Variants in RAD51B observed in about 807,000 individuals in gnomAD.
RAD51B encodes RAD51 paralog B.
Under a neutral mutation model 42.2 loss-of-function variants are expected in RAD51B, and 38 were observed. The observed-to-expected ratio is 0.90, with a 90% CI of 0.70 to 1.18. RAD51B has a LOEUF of 1.18. RAD51B is among the 50% of genes most tolerant of loss of function. The pLI is 0.00. For synonymous variants in RAD51B, 154 were observed against 145.2 expected (o/e 1.06, Z -0.43); for missense variants, 373 against 400.7 (o/e 0.93, Z 0.59).
intron 7 of RAD51B, among the ~76,000 whole-genome samples, chr14:68,082,493 T>G (rs184644645): frequency 0.016 from 2,345 of 151,256 alleles, 51 homozygotes; most frequent in African/African-American, 0.052. Flanking sequence ...ATATATGTAT[T>G]TATGTATGTA....
intron 7 of RAD51B, among the ~76,000 whole-genome samples, chr14:67,925,121 T>C (rs2044458792): frequency 6.6e-6 from 1 of 152,218 alleles, no homozygotes; most frequent in Non-Finnish European, 1.5e-5. Flanking sequence ...ATCCAGGTCA[T>C]GCTGATGCAA....
chr14:68,135,559 T>C (rs1478385489), intron 7 of RAD51B, among the ~76,000 whole-genome samples: 1 of 152,194 alleles, frequency 6.6e-6, no homozygotes, highest in Non-Finnish European at 1.5e-5. Flanking sequence ...AATTTGGTTC[T>C]CATTTCTTAT....
intron 9 of RAD51B, among the ~76,000 whole-genome samples, chr14:68,424,338 G>A (rs1368831888): frequency 6.6e-6 from 1 of 152,110 alleles, no homozygotes; most frequent in Non-Finnish European, 1.5e-5. Context: ...TCAATGTCTA[G>A]TAAAATGACA....
At position 68,594,497 on chromosome 14, in the gene RAD51B, GCT is replaced by G; in HGVS notation, c.1052_1053del (p.Ser351CysfsTer5). ...CTCTCTCTCTTAGAGACAACATTTT[GCT>G]CTGTCACCCAAGCTGAACTGAACTG... is the stretch of plus-strand genomic sequence containing the variant. On this transcript the variant is annotated frameshift_variant, in exon 11 of 11. Transcript: ENST00000487270. LOFTEE classifies it high-confidence loss of function. 1 of 1,367,960 alleles carries G rather than the reference GCT, an allele frequency of 7.3e-7. No individual in the cohort carries two copies. The highest frequency in any genetic ancestry group is 1.1e-5 in the South Asian group (1 of 87,638). The allele number at this position is 1,367,960 out of a possible 1,614,324, so 84.7% of individuals were successfully genotyped here.
intron 8 of RAD51B, among the ~76,000 whole-genome samples, chr14:68,314,712 C>G (rs1476421992): frequency 5.3e-5 from 8 of 152,100 alleles, no homozygotes; most frequent in Admixed American, 5.2e-4. Context: ...TCAGGATCAT[C>G]CACTGTGTCC....
At chr14:68,567,410 C>G (rs1012111927) in intron 10 of RAD51B, among the ~76,000 whole-genome samples, 1 of 152,194 alleles carries the variant, frequency 6.6e-6, no homozygotes, top group Non-Finnish European at 1.5e-5. Context: ...CCAACATGTA[C>G]AGCCTTTTCC....
chr14:68,369,120 C>T (rs1303458640), intron 8 of RAD51B, among the ~76,000 whole-genome samples: 2 of 152,204 alleles, frequency 1.3e-5, no homozygotes, highest in African/African-American at 2.4e-5. Flanking sequence ...ATACATCCCT[C>T]TTGGGAGATG....
intron 7 of RAD51B, among the ~76,000 whole-genome samples, chr14:67,962,564 T>A (rs1325682253): frequency 1.3e-5 from 2 of 152,162 alleles, no homozygotes; most frequent in Non-Finnish European, 2.9e-5. Context: ...ACAGTTCTGA[T>A]AAAAGAAATT....
chr14:68,173,820 A>C (rs1268846797), intron 7 of RAD51B, among the ~76,000 whole-genome samples: 1 of 152,218 alleles, frequency 6.6e-6, no homozygotes, highest in African/African-American at 2.4e-5. Context: ...TAAGATGAGT[A>C]AAAGTCTTAA....
rs537073885 is a variant in RAD51B at position 68,045,236 on chromosome 14, CAAAAAAA to C, written c.756+158053_756+158059del. 8.6e-4 allele frequency among the ~76,000 whole-genome samples: 19 copies of C among 22,092 alleles called. No homozygotes were observed. In the East Asian group the frequency reaches 8.6e-3, roughly 10 times the overall value. The allele number at this position is 22,092 out of a possible 152,430, so 14.5% of individuals were successfully genotyped here. The stretch of plus-strand genomic sequence containing the variant: ...GGGCAACAAGAGCGAAACTCTGTCT[CAAAAAAA>C]AAAAAAAAAAAAAAAAAAAAGAAAA... On this transcript the variant is annotated intron_variant, in intron 7 of 10. Transcript: ENST00000471583.
intron 7 of RAD51B, among the ~76,000 whole-genome samples, chr14:68,072,135 TTA>T (rs1216166647): frequency 8.4e-5 from 11 of 131,050 alleles, no homozygotes; most frequent in Admixed American, 1.6e-4. Context: ...ATATATATAA[TTA>T]TATATATATT....
intron 5 of RAD51B, among the ~76,000 whole-genome samples, chr14:67,871,889 C>A (rs1051684980): frequency 2.0e-5 from 3 of 151,608 alleles, no homozygotes; most frequent in Non-Finnish European, 4.4e-5. Context: ...ATTCAACAGC[C>A]CTTCATGCTA....
intron 7 of RAD51B, among the ~76,000 whole-genome samples, chr14:68,000,008 A>G (rs2075452006): frequency 6.6e-6 from 1 of 152,140 alleles, no homozygotes; most frequent in African/African-American, 2.4e-5. Flanking sequence ...AAACAAACAA[A>G]CAAACAAAAA....
At chr14:68,475,541 G>T (rs1356386071) in intron 10 of RAD51B, among the ~76,000 whole-genome samples, 1 of 152,176 alleles carries the variant, frequency 6.6e-6, no homozygotes, top group Non-Finnish European at 1.5e-5. Context: ...AGGAACTTTA[G>T]TATGTGTTTT....
chr14:68,163,062 T>C (rs1196319660), intron 7 of RAD51B, among the ~76,000 whole-genome samples: 1 of 152,256 alleles, frequency 6.6e-6, no homozygotes, highest in African/African-American at 2.4e-5. Context: ...GCAAGTCGTT[T>C]CTGAATTGTG....
At chr14:68,058,777 G>A (rs1247342939) in intron 7 of RAD51B, among the ~76,000 whole-genome samples, 4 of 152,054 alleles carry the variant, frequency 2.6e-5, no homozygotes, top group Non-Finnish European at 4.4e-5. Context: ...TCTGAAAAAC[G>A]TAATTTCTAG....
At chr14:67,987,162 A>C (rs2075208998) in intron 7 of RAD51B, among the ~76,000 whole-genome samples, 1 of 152,256 alleles carries the variant, frequency 6.6e-6, no homozygotes, top group Admixed American at 6.5e-5. Context: ...CTATCCCCTC[A>C]AGCATTTATC....
rs576127148 is a variant in RAD51B at position 67,976,635 on chromosome 14, A to C, written c.756+89431A>C. On this transcript the variant is annotated intron_variant, in intron 7 of 10. Coordinates refer to ENST00000471583, the MANE Select transcript of RAD51B (RefSeq NM_133510.4). ...CCCTAGAAGAAAACCTAGGCAATAC[A>C]ATTCAGGACATAGGCATGGGCAAGG... Among the ~76,000 whole-genome samples the C allele has an allele frequency of 4.2e-4, 64 of 152,158 alleles. No homozygotes were observed. In the South Asian group the frequency reaches 4.6e-3, roughly 11 times the overall value.
At chr14:67,995,025 T>C (rs1469756619) in intron 7 of RAD51B, among the ~76,000 whole-genome samples, 4 of 152,148 alleles carry the variant, frequency 2.6e-5, no homozygotes, top group Admixed American at 1.3e-4. Context: ...AGACTAATAA[T>C]GTATGATTCC....
Sources: allele counts gnomAD v4.1 joint callset (sites outside exome capture counted in the v4.1 genomes callset), GRCh38; gene constraint gnomAD v4.1.1; transcripts MANE v1.5; gene names NCBI Gene and HGNC (gene_info 2026-07-23, HGNC 2026-07-21).